BCOR: variants seen among roughly 807,000 people sequenced by gnomAD.
The protein encoded by BCOR is BCL6 corepressor.
Under a neutral mutation model 86.7 loss-of-function variants are expected in BCOR, and 10 were observed. That is an observed-to-expected ratio of 0.12 (90% CI 0.07 to 0.20). The LOEUF (loss-of-function observed/expected upper bound fraction) is 0.20, where lower values mean the gene tolerates loss of function less well. BCOR is among the 10% of genes least tolerant of loss of function. The pLI is 1.00. For synonymous variants in BCOR, 611 were observed against 609.0 expected (o/e 1.00, Z -0.05); for missense variants, 1,259 against 1,452.1 (o/e 0.87, Z 2.16).
chrX:40,093,949 T>C (rs1936727747), intron 1 of BCOR, among the ~76,000 whole-genome samples: 2 of 111,402 alleles, frequency 1.8e-5, no homozygotes, highest in African/African-American at 6.5e-5. Context: ...CTAGATCATC[T>C]AGCAGCTGCG....
intron 1 of BCOR, among the ~76,000 whole-genome samples, chrX:40,104,587 C>T (rs1449872162): frequency 2.7e-5 from 3 of 110,565 alleles, no homozygotes; most frequent in Non-Finnish European, 5.7e-5. Context: ...CTAGCCTCTG[C>T]CCACCCCCAG....
rs1405632735 is a variant in BCOR at position 40,052,289 on chromosome X, T to A, written c.5088A>T (p.Glu1696Asp). 8.3e-7 allele frequency: 1 copy of A among 1,210,697 alleles called. No homozygotes were observed. Among genetic ancestry groups the A allele is most frequent in the Admixed American group, 2.2e-5 (1 of 45,834 alleles). ...GACTTGCAGAAACCTGCCGATAAAA[T>A]TCTGCCTCTGCAATGGTGACAATTT... is the stretch of plus-strand genomic sequence containing the variant. ...NVEIVTIAEAEFYRQVSASLL... is the reference protein window; with the variant it reads ...NVEIVTIAEADFYRQVSASLL... The change falls in exon 15 of 15, where the codon GAA becomes GAT. Residue 1696 changes from glutamate to aspartate, a missense_variant. This residue lies in a region of BCOR where 137 missense variants were observed against 149.8 expected (regional missense o/e 0.91). Coordinates refer to ENST00000378444, the MANE Select transcript of BCOR (RefSeq NM_001123385.2).
intron 3 of BCOR, among the ~76,000 whole-genome samples, chrX:40,076,211 G>T (rs1364919839): frequency 3.6e-5 from 4 of 111,800 alleles, no homozygotes; most frequent in African/African-American, 9.8e-5. Context: ...GCTTATGGAA[G>T]AAAAGAGAGT....
intron 1 of BCOR, among the ~76,000 whole-genome samples, chrX:40,165,040 AG>A (rs1475492849): frequency 9.0e-6 from 1 of 111,641 alleles, no homozygotes; most frequent in Non-Finnish European, 1.9e-5. Context: ...GGGAGATGGG[AG>A]GAGGGGCTGA....
At chrX:40,160,955 G>A (rs1178612366) in intron 1 of BCOR, among the ~76,000 whole-genome samples, 8 of 106,205 alleles carry the variant, frequency 7.5e-5, no homozygotes, top group Non-Finnish European at 1.4e-4. Flanking sequence ...GATTACAGGC[G>A]TGAGTCACCG....
upstream of BCOR, among the ~76,000 whole-genome samples, chrX:40,100,781 G>A (rs1340240252): frequency 9.2e-6 from 1 of 108,547 alleles, no homozygotes; most frequent in African/African-American, 3.4e-5. Flanking sequence ...CTGTAAATGC[G>A]AAGGGGCCGA....
intron 6 of BCOR, among the ~76,000 whole-genome samples, chrX:40,067,302 G>A (rs1207954010): frequency 8.9e-6 from 1 of 111,933 alleles, no homozygotes; most frequent in Non-Finnish European, 1.9e-5. Flanking sequence ...GATATGGGGA[G>A]GTCTTGCCAT....
At chrX:40,068,852 T>A (rs1935328901) in intron 6 of BCOR, among the ~76,000 whole-genome samples, 2 of 113,035 alleles carry the variant, frequency 1.8e-5, no homozygotes, top group Non-Finnish European at 3.7e-5. Context: ...TCAGTTTTTT[T>A]AAACAAGCCC....
intron 1 of BCOR, among the ~76,000 whole-genome samples, chrX:40,107,818 C>G (rs923157067): frequency 6.2e-5 from 7 of 113,577 alleles, no homozygotes; most frequent in Admixed American, 3.7e-4. Context: ...CCTCCCGCCC[C>G]TCTCCCGGGC....
chrX:40,163,527 C>T (rs1938458423), intron 1 of BCOR, among the ~76,000 whole-genome samples: 1 of 109,923 alleles, frequency 9.1e-6, no homozygotes, highest in African/African-American at 3.3e-5. Flanking sequence ...AGAGCTACTG[C>T]TAATTAAGCT....
At chrX:40,162,559 C>T (rs1484215950) in intron 1 of BCOR, among the ~76,000 whole-genome samples, 1 of 111,336 alleles carries the variant, frequency 9.0e-6, no homozygotes, top group Non-Finnish European at 1.9e-5. Flanking sequence ...TTCGGGGCTC[C>T]AATCTGCACT....
chrX:40,094,022 G>A (rs1936731829), intron 1 of BCOR, among the ~76,000 whole-genome samples: 1 of 111,152 alleles, frequency 9.0e-6, no homozygotes, highest in Non-Finnish European at 1.9e-5. Context: ...ATAAGAGAAA[G>A]GAAAACCCTA....
chrX:40,129,503 G>A (rs893040723), intron 1 of BCOR, among the ~76,000 whole-genome samples: 44 of 110,010 alleles, frequency 4.0e-4, no homozygotes, highest in Non-Finnish European at 8.0e-4. Flanking sequence ...AGAAGAAGAG[G>A]AAAAGCTGGT....
intron 1 of BCOR, among the ~76,000 whole-genome samples, chrX:40,083,139 A>T (rs1936183378): frequency 9.1e-6 from 1 of 110,319 alleles, no homozygotes; most frequent in Non-Finnish European, 1.9e-5. Context: ...TGGGAGTGGG[A>T]GATGAGAAGA....
At chrX:40,098,115 G>GCCGC (rs1253771740), upstream of BCOR, among the ~76,000 whole-genome samples, 7 of 97,980 alleles carry the variant, frequency 7.1e-5, no homozygotes, top group East Asian at 2.4e-3. Flanking sequence ...TCGGGCGACA[G>GCCGC]CCGCCCGCCC....
chrX:40,061,398 G>A (rs1189424129), intron 10 of BCOR, among the ~76,000 whole-genome samples: 3 of 111,395 alleles, frequency 2.7e-5, no homozygotes, highest in African/African-American at 9.8e-5. Context: ...ATCATGTAAC[G>A]CCTCTGGGAC....
intron 6 of BCOR, among the ~76,000 whole-genome samples, chrX:40,068,842 T>C (rs1935328082): frequency 8.9e-6 from 1 of 112,705 alleles, no homozygotes; most frequent in Admixed American, 9.3e-5. Flanking sequence ...TCCAGTTAAT[T>C]CAGTTTTTTT....
chrX:40,167,768 C>T (rs912286255), intron 1 of BCOR, among the ~76,000 whole-genome samples: 1 of 112,381 alleles, frequency 8.9e-6, no homozygotes, highest in Non-Finnish European at 1.9e-5. Flanking sequence ...AATAAAGGGC[C>T]ACGGACTCCT....
rs760406187 is a variant in BCOR, at chrX:40,062,754, C to T, written c.4165G>A (p.Asp1389Asn). The change falls in exon 9 of 15, where the codon GAT (aspartate) becomes AAT (asparagine). Residue 1389 changes from aspartate to asparagine, a missense_variant. By Grantham distance (23) the Asp-to-Asn change is conservative. Transcript: ENST00000378444. ...LTGEYYVENA[D>N]GKVTVRRFRK... ...CCGGGGTCAAGAGGTACCTTGCCAT[C>T]GGCATTCTCCACGTAGTATTCCCCT... 12 of 1,207,906 alleles carry T rather than the reference C, an allele frequency of 9.9e-6. No individual in the cohort carries two copies. The highest frequency in any genetic ancestry group is 1.8e-5 in the African/African-American group (1 of 56,963).
Sources: allele counts gnomAD v4.1 joint callset (sites outside exome capture counted in the v4.1 genomes callset), GRCh38; gene constraint gnomAD v4.1.1; regional missense constraint gnomAD v4.1.1; transcripts MANE v1.5; gene names NCBI Gene and HGNC (gene_info 2026-07-23, HGNC 2026-07-21).